Variants in TRAIP observed in about 807,000 individuals in gnomAD.
TRAIP encodes E3 ubiquitin-protein ligase TRAIP.
In TRAIP, 37 loss-of-function variants were observed where a neutral mutation model predicts 65.0. The observed-to-expected ratio is 0.57, with a 90% CI of 0.44 to 0.75. The LOEUF is 0.75. Among genes scored for constraint, TRAIP ranks in the 30% least tolerant of loss-of-function variants. TRAIP has a pLI of 0.00. For missense variants in TRAIP, 481 were observed against 579.4 expected (o/e 0.83, Z 1.74); for synonymous variants, 187 against 219.1 (o/e 0.85, Z 1.29).
At chr3:49,849,988 A>G (rs2081917323) in intron 1 of TRAIP, among the ~76,000 whole-genome samples, 1 of 151,610 alleles carries the variant, frequency 6.6e-6, no homozygotes, top group Non-Finnish European at 1.5e-5. Flanking sequence ...CTGGGACCAC[A>G]GGCGTGCACC....
intron 4 of TRAIP, 144 bp from the exon 5 acceptor site, chr3:49,844,072 T>C (rs191759659): frequency 7.8e-5 from 91 of 1,159,348 alleles, no homozygotes; most frequent in Non-Finnish European, 3.4e-5. Context: ...CCCGCTTCTT[T>C]CTCTGGGATG....
chr3:49,840,934 T>G, intron 8 of TRAIP, 51 bp downstream of exon 8: 1 of 1,553,346 alleles, frequency 6.4e-7, no homozygotes, highest in Non-Finnish European at 8.9e-7. Context: ...AGAGTGAACA[T>G]GACAAAAGGA....
intron 6 of TRAIP, among the ~76,000 whole-genome samples, 169 bp from the exon 7 acceptor site, chr3:49,842,108 T>C (rs946949797): frequency 1.1e-4 from 16 of 152,222 alleles, no homozygotes; most frequent in Non-Finnish European, 2.9e-5. Flanking sequence ...GAGATGAGCA[T>C]AGCTCCAAGG....
At position 49,843,807 on chromosome 3, in the gene TRAIP, T is replaced by C. The variant is rs181938117; in HGVS notation, c.402A>G (p.Thr134=). The C allele has an allele frequency of 3.1e-6, 5 of 1,612,992 alleles. No individual in the cohort carries two copies. The highest frequency in any genetic ancestry group is 2.7e-5 in the African/African-American group (2 of 75,054). The change falls in exon 5 of 15, where the codon ACA becomes ACG. Residue 134 remains threonine (T), a synonymous_variant. Transcript: ENST00000331456. The stretch of plus-strand genomic sequence containing the variant: ...ATAAAACCTGAGGACCTACTTTCAG[T>C]GTGGAGCACAGCATCTCGGCCTTGC... ...ALGKAEMLCS[T]LKKQMKYLEQ... is the part of the protein sequence containing the mutation.
At chr3:49,849,753 G>C (rs2081915002) in intron 1 of TRAIP, among the ~76,000 whole-genome samples, 1 of 151,950 alleles carries the variant, frequency 6.6e-6, no homozygotes, top group African/African-American at 2.4e-5. Flanking sequence ...CTACTCCTAG[G>C]GACCAGGGAG....
At chr3:49,836,017 C>T (rs1302518327) in intron 10 of TRAIP, among the ~76,000 whole-genome samples, 1 of 151,198 alleles carries the variant, frequency 6.6e-6, no homozygotes, top group Admixed American at 6.6e-5. Context: ...GGCTGGAGTA[C>T]AGTAGCACGA....
Position 49,831,994 on chromosome 3 carries a change from A to G in TRAIP, c.959T>C (p.Phe320Ser). ...FRDDIDLNATFDVDTPPARPS... is the reference protein window; with the variant it reads ...FRDDIDLNATSDVDTPPARPS... ...CCGGGCTGGGGGAGTATCCACATCA[A>G]AGGTAGCATTGAGATCAATATCATC... Residue 320 changes from phenylalanine to serine, a missense_variant, in exon 11 of 15, where the codon TTT (phenylalanine) becomes TCT (serine). Physicochemically the swap from Phe to Ser is radical, Grantham distance 155 (BLOSUM62 -2). Transcript: ENST00000331456. The G allele has an allele frequency of 1.9e-6, 3 of 1,608,484 alleles. No homozygotes were observed. The highest frequency in any genetic ancestry group is 1.7e-4 in the Middle Eastern group (1 of 6,040).
rs1056998713 is a variant in TRAIP at position 49,856,338 on chromosome 3, A to G, written c.98+18T>C. Reference sequence around the variant, plus strand: ...GGTACCCGGGCAAACACCGGGCCCCAACACTGCAGTCACTCACCACTGCAA... The same window carrying G: ...GGTACCCGGGCAAACACCGGGCCCCGACACTGCAGTCACTCACCACTGCAA... On this transcript the variant is annotated intron_variant, in intron 1 of 14. Coordinates refer to ENST00000331456, the MANE Select transcript of TRAIP (RefSeq NM_005879.3). 3 of 1,610,236 alleles carry G rather than the reference A, an allele frequency of 1.9e-6. No homozygotes were observed. Among genetic ancestry groups the G allele is most frequent in the Non-Finnish European group, 2.5e-6 (3 of 1,176,790 alleles).
Position 49,843,929 on chromosome 3 carries a change from C to T in TRAIP, c.281-1G>A. On this transcript the variant is annotated splice_acceptor_variant, in intron 4 of 14. Transcript: ENST00000331456. LOFTEE classifies it high-confidence loss of function. Reference sequence around the variant, plus strand: ...ACCTGGCTGTCTCGTTTCTCCTTGTCTGGAGCAGGGGTAGAGGGCGGAGGA... The same window carrying T: ...ACCTGGCTGTCTCGTTTCTCCTTGTTTGGAGCAGGGGTAGAGGGCGGAGGA... 6.2e-7 allele frequency: 1 copy of T among 1,607,308 alleles called. No homozygotes were observed. The highest frequency in any genetic ancestry group is 8.5e-7 in the Non-Finnish European group (1 of 1,174,392).
chr3:49,836,327 C>T (rs1019280972), intron 10 of TRAIP, among the ~76,000 whole-genome samples: 5 of 151,460 alleles, frequency 3.3e-5, no homozygotes, highest in Admixed American at 3.3e-4. Context: ...CCCATCTCTA[C>T]TAAAAATACA....
chr3:49,829,408 A>G (rs548998779), intron 14 of TRAIP, 50 bp downstream of exon 14: 3 of 1,613,750 alleles, frequency 1.9e-6, no homozygotes, highest in African/African-American at 2.7e-5. Context: ...GGTGAGGCAT[A>G]GTATGGGCTC....
At chr3:49,849,347 C>T (rs558376962) in intron 1 of TRAIP, among the ~76,000 whole-genome samples, 15 of 150,838 alleles carry the variant, frequency 9.9e-5, no homozygotes, top group African/African-American at 3.2e-4. Context: ...AAAGAGTGGC[C>T]GGGCGCAGTG....
intron 2 of TRAIP, 32 bp from the exon 3 acceptor site, chr3:49,847,640 G>C (rs1395299346): frequency 6.6e-7 from 1 of 1,504,528 alleles, no homozygotes. Context: ...GAGTATGATT[G>C]TGTAGCTGGG....
Position 49,843,896 on chromosome 3 carries a change from C to CGAT in TRAIP, c.310_312dup (p.Ile104dup). 2 of 1,611,992 alleles carry CGAT rather than the reference C, an allele frequency of 1.2e-6. No individual in the cohort carries two copies. The highest frequency in any genetic ancestry group is 1.7e-6 in the Non-Finnish European group (2 of 1,178,218). On this transcript the variant is annotated inframe_insertion, in exon 5 of 15. Coordinates refer to ENST00000331456, the MANE Select transcript of TRAIP (RefSeq NM_005879.3). ...TCTTCCAGCGTATCCCGCAGAGTGTCGATGATGACCTGGCTGTCTCGTTTC... is the reference window on the plus strand; with the variant it reads ...TCTTCCAGCGTATCCCGCAGAGTGTCGATGATGATGACCTGGCTGTCTCGTTTC...
intron 10 of TRAIP, 82 bp from the exon 11 acceptor site, chr3:49,832,150 G>A: frequency 7.0e-7 from 1 of 1,423,854 alleles, no homozygotes; most frequent in Non-Finnish European, 9.2e-7. Context: ...AGATAACTCA[G>A]CTCCAGGGAC....
chr3:49,854,047 C>T (rs185645698), intron 1 of TRAIP, among the ~76,000 whole-genome samples: 9 of 152,094 alleles, frequency 5.9e-5, no homozygotes, highest in East Asian at 1.9e-4. Context: ...TACAATTGGC[C>T]GGTCGTGGTG....
chr3:49,835,822 C>G (rs1298697246), intron 10 of TRAIP, among the ~76,000 whole-genome samples: 1 of 151,362 alleles, frequency 6.6e-6, no homozygotes, highest in Non-Finnish European at 1.5e-5. Context: ...ACCTGTAGTC[C>G]CAGCTACTCG....
At chr3:49,838,394 A>G (rs906030199) in intron 10 of TRAIP, among the ~76,000 whole-genome samples, 20 of 152,172 alleles carry the variant, frequency 1.3e-4, no homozygotes, top group African/African-American at 4.1e-4. Context: ...CCCGTCCCCA[A>G]CTGGGAGCTA....
chr3:49,850,269 G>A (rs891078344), intron 1 of TRAIP, among the ~76,000 whole-genome samples: 3 of 152,126 alleles, frequency 2.0e-5, no homozygotes, highest in African/African-American at 7.2e-5. Context: ...GGGAGGTCGA[G>A]GCGGGTGGAT....
Sources: gnomAD v4.1 joint callset for allele counts (sites outside exome capture counted in the v4.1 genomes callset) on GRCh38, gnomAD v4.1.1 for gene constraint, MANE v1.5 for transcripts, NCBI Gene and HGNC (gene_info 2026-07-23, HGNC 2026-07-21) for gene names.